IMMP2L: variants seen among roughly 807,000 people sequenced by gnomAD.
The protein encoded by IMMP2L is mitochondrial inner membrane protease subunit 2.
Under a neutral mutation model 19.3 loss-of-function variants are expected in IMMP2L, and 18 were observed. The ratio of observed to expected loss-of-function variants is 0.93; its 90% confidence interval spans 0.64 to 1.38. The LOEUF (loss-of-function observed/expected upper bound fraction) is 1.38. Ranked by LOEUF, IMMP2L falls within the 40% of genes most tolerant of loss-of-function variation. The probability of loss-of-function intolerance (pLI) is 0.00; values close to 1 mark genes in which losing one functional copy is unlikely to be tolerated. For synonymous variants in IMMP2L, 76 were observed against 73.0 expected (o/e 1.04, Z -0.21); for missense variants, 233 against 218.2 (o/e 1.07, Z -0.43).
intron 5 of IMMP2L, among the ~76,000 whole-genome samples, chr7:110,836,054 A>G (rs914988714): frequency 1.8e-4 from 27 of 152,156 alleles, no homozygotes; most frequent in Non-Finnish European, 7.4e-5. Context: ...GTGAGTTAAT[A>G]AGATAACAAA....
chr7:111,522,619 G>T (rs1846444053), intron 1 of IMMP2L, among the ~76,000 whole-genome samples: 1 of 151,972 alleles, frequency 6.6e-6, no homozygotes, highest in Non-Finnish European at 1.5e-5. Context: ...AGTTAGAATG[G>T]CCATTATCAA....
intron 5 of IMMP2L, among the ~76,000 whole-genome samples, chr7:110,739,265 G>C (rs1404888594): frequency 2.0e-5 from 3 of 152,086 alleles, no homozygotes; most frequent in Non-Finnish European, 4.4e-5. Context: ...AAAAGATACA[G>C]AATGGCAGAA....
chr7:111,532,431 T>C (rs1847481672), intron 1 of IMMP2L: 1 of 152,162 alleles, frequency 6.6e-6, no homozygotes, highest in South Asian at 2.1e-4. Flanking sequence ...TCCTGATCCC[T>C]ACTCTTCATG....
chr7:111,150,090 T>G (rs1255748636), intron 3 of IMMP2L, among the ~76,000 whole-genome samples: 1 of 152,168 alleles, frequency 6.6e-6, no homozygotes, highest in Non-Finnish European at 1.5e-5. Context: ...TGCAGTGACT[T>G]GCAAGAAAAC....
intron 5 of IMMP2L, among the ~76,000 whole-genome samples, chr7:110,812,382 C>T (rs922217669): frequency 1.3e-5 from 2 of 152,010 alleles, no homozygotes; most frequent in African/African-American, 4.8e-5. Flanking sequence ...AGGAGTGACA[C>T]AGGAGTTAGA....
intron 3 of IMMP2L, among the ~76,000 whole-genome samples, chr7:111,030,807 T>C (rs1790680546): frequency 6.6e-6 from 1 of 150,856 alleles, no homozygotes; most frequent in South Asian, 2.1e-4. Flanking sequence ...TGTGTGTACA[T>C]ACATATGTGT....
At chr7:110,856,586 C>A (rs557816882) in intron 5 of IMMP2L, among the ~76,000 whole-genome samples, 1 of 152,108 alleles carries the variant, frequency 6.6e-6, no homozygotes, top group African/African-American at 2.4e-5. Context: ...ATATAAGCAT[C>A]TTGAGCAGCT....
At chr7:111,241,198 T>C (rs904121508) in intron 3 of IMMP2L, among the ~76,000 whole-genome samples, 7 of 152,010 alleles carry the variant, frequency 4.6e-5, no homozygotes, top group African/African-American at 1.7e-4. Flanking sequence ...AGATTACATA[T>C]ATTTAAAGCA....
intron 3 of IMMP2L, among the ~76,000 whole-genome samples, chr7:111,418,934 TA>T (rs1835209411): frequency 6.6e-6 from 1 of 151,864 alleles, no homozygotes; most frequent in Non-Finnish European, 1.5e-5. Flanking sequence ...ATACTCTTTA[TA>T]TTTCATTAAG....
intron 3 of IMMP2L, among the ~76,000 whole-genome samples, chr7:111,225,273 C>T (rs1812958228): frequency 6.6e-6 from 1 of 152,088 alleles, no homozygotes; most frequent in Non-Finnish European, 1.5e-5. Flanking sequence ...ACATCTGTCA[C>T]TGTGACAGTT....
chr7:110,772,252 GA>G (rs906469159), intron 5 of IMMP2L, among the ~76,000 whole-genome samples: 3 of 152,130 alleles, frequency 2.0e-5, no homozygotes, highest in African/African-American at 7.2e-5. Context: ...TGAGCTTCAG[GA>G]ATTTGGAAAC....
At chr7:111,476,596 G>A (rs527413819) in intron 3 of IMMP2L, among the ~76,000 whole-genome samples, 2 of 152,232 alleles carry the variant, frequency 1.3e-5, no homozygotes, top group East Asian at 3.9e-4. Context: ...AGTGGGACTA[G>A]GTCCTTCTAT....
intron 3 of IMMP2L, among the ~76,000 whole-genome samples, chr7:111,418,642 A>G (rs1345112161): frequency 6.6e-6 from 1 of 151,824 alleles, no homozygotes; most frequent in Non-Finnish European, 1.5e-5. Context: ...ATTTACAGTC[A>G]TGGTTATTTA....
At chr7:110,946,060 T>C (rs1028278624) in intron 4 of IMMP2L, among the ~76,000 whole-genome samples, 1 of 152,180 alleles carries the variant, frequency 6.6e-6, no homozygotes, top group South Asian at 2.1e-4. Context: ...ATTCAAGCAG[T>C]TAATTGGTGA....
At chr7:111,286,680 C>T (rs75371668) in intron 3 of IMMP2L, among the ~76,000 whole-genome samples, 3,024 of 151,912 alleles carry the variant, frequency 0.02, 128 homozygotes, top group African/African-American at 0.069. Context: ...GCATATTGAA[C>T]TTAGAGAATT....
intron 2 of IMMP2L, among the ~76,000 whole-genome samples, chr7:111,508,530 A>G (rs973025561): frequency 9.9e-5 from 15 of 152,122 alleles, no homozygotes; most frequent in Non-Finnish European, 2.2e-4. Context: ...CGAAAAAGGA[A>G]AGCTTTCAGC....
At chr7:111,473,979 C>T (rs745387810) in intron 3 of IMMP2L, among the ~76,000 whole-genome samples, 7 of 152,126 alleles carry the variant, frequency 4.6e-5, no homozygotes, top group Non-Finnish European at 8.8e-5. Flanking sequence ...CCATGGAGTA[C>T]TACACAGCCA....
At chr7:111,018,977 G>T (rs914639112) in intron 3 of IMMP2L, among the ~76,000 whole-genome samples, 4 of 152,040 alleles carry the variant, frequency 2.6e-5, no homozygotes, top group African/African-American at 9.7e-5. Context: ...CTGAGTTAGT[G>T]AACATATTCA....
At chr7:110,720,933 C>T (rs1454756830) in intron 5 of IMMP2L, among the ~76,000 whole-genome samples, 1 of 152,060 alleles carries the variant, frequency 6.6e-6, no homozygotes, top group African/African-American at 2.4e-5. Flanking sequence ...ACTGCAGTAC[C>T]AAGTGGTGCT....
Sources: gnomAD v4.1 joint callset for allele counts (sites outside exome capture counted in the v4.1 genomes callset) on GRCh38, gnomAD v4.1.1 for gene constraint, MANE v1.5 for transcripts, NCBI Gene and HGNC (gene_info 2026-07-23, HGNC 2026-07-21) for gene names.